The following LYN variants were observed in gnomAD, a reference collection of about 807,000 sequenced individuals.
LYN encodes tyrosine-protein kinase Lyn.
A neutral mutation model predicts 65.0 loss-of-function variants in LYN; 12 were observed. That is an observed-to-expected ratio of 0.18 (90% CI 0.12 to 0.30). The LOEUF (loss-of-function observed/expected upper bound fraction) is 0.30, where lower values mean the gene tolerates loss of function less well. Ranked by LOEUF, LYN falls within the 10% of genes least tolerant of loss-of-function variation. The pLI is 1.00. For synonymous variants in LYN, 222 were observed against 221.2 expected (o/e 1.00, Z -0.03); for missense variants, 380 against 623.2 (o/e 0.61, Z 4.16).
intron 1 of LYN, among the ~76,000 whole-genome samples, chr8:55,934,966 G>A (rs1386011193): frequency 6.6e-6 from 1 of 152,168 alleles, no homozygotes; most frequent in Non-Finnish European, 1.5e-5. Flanking sequence ...GTCACAGACA[G>A]GAGCTGACAC....
intron 10 of LYN, among the ~76,000 whole-genome samples, chr8:55,997,775 C>A (rs1227861341): frequency 1.3e-5 from 2 of 152,194 alleles, no homozygotes; most frequent in Non-Finnish European, 2.9e-5. Context: ...TGAAAAGATT[C>A]TTCACACATT....
At chr8:55,975,250 A>G (rs1021526789) in intron 10 of LYN, among the ~76,000 whole-genome samples, 5 of 152,192 alleles carry the variant, frequency 3.3e-5, no homozygotes, top group African/African-American at 1.2e-4. Flanking sequence ...GCTCTTTCTC[A>G]GAATTTGAGA....
chr8:55,925,535 T>A (rs1806083074), intron 1 of LYN, among the ~76,000 whole-genome samples: 1 of 152,230 alleles, frequency 6.6e-6, no homozygotes, highest in Admixed American at 6.5e-5. Flanking sequence ...AGCTCATGAA[T>A]ATGCCAGGCC....
intron 10 of LYN, among the ~76,000 whole-genome samples, chr8:55,992,014 A>T (rs901003884): frequency 6.6e-6 from 1 of 152,144 alleles, no homozygotes; most frequent in East Asian, 1.9e-4. Flanking sequence ...GGTAATAGGG[A>T]TGCTTTTTAT....
Position 55,941,926 on chromosome 8 carries a change from C to A in LYN, c.67C>A (p.Pro23Thr). 1.2e-6 allele frequency: 2 copies of A among 1,611,548 alleles called. No homozygotes were observed. Among genetic ancestry groups the A allele is most frequent in the Non-Finnish European group, 1.7e-6 (2 of 1,177,918 alleles). ...CGATGGAGTAGATTTGAAGACTCAA[C>A]CAGTACGTAATACTGAAAGAACTAT... Reference protein sequence around the residue: ...SDDGVDLKTQPVRNTERTIYV... With the variant: ...SDDGVDLKTQTVRNTERTIYV... Residue 23 changes from proline (P) to threonine (T), a missense_variant, in exon 2 of 13, where the codon CCA becomes ACA. Around this residue, in one of 2 missense-constraint regions of LYN, gnomAD observed 157 missense variants for 193.2 expected, o/e 0.81. Coordinates refer to ENST00000519728, the MANE Select transcript of LYN (RefSeq NM_002350.4).
chr8:56,002,662 G>C (rs1349693444), intron 12 of LYN, among the ~76,000 whole-genome samples: 2 of 148,148 alleles, frequency 1.3e-5, no homozygotes, highest in African/African-American at 2.6e-5. Context: ...AAAATAAAAA[G>C]AGAACCAGTA....
chr8:55,994,838 G>A (rs1004741616), intron 10 of LYN, among the ~76,000 whole-genome samples: 1 of 152,204 alleles, frequency 6.6e-6, no homozygotes, highest in African/African-American at 2.4e-5. Context: ...GACAGAGTCA[G>A]CTATGACCGC....
At chr8:55,993,306 C>T (rs1808297235) in intron 10 of LYN, among the ~76,000 whole-genome samples, 1 of 152,168 alleles carries the variant, frequency 6.6e-6, no homozygotes, top group African/African-American at 2.4e-5. Flanking sequence ...CTGGGGAGAG[C>T]TTGTGATTCC....
intron 10 of LYN, among the ~76,000 whole-genome samples, chr8:55,973,480 G>A (rs923402966): frequency 6.6e-6 from 1 of 152,196 alleles, no homozygotes; most frequent in Non-Finnish European, 1.5e-5. Flanking sequence ...TTTCAGAGCA[G>A]AGAGACTTTG....
At chr8:55,921,760 G>A (rs1014995126) in intron 1 of LYN, among the ~76,000 whole-genome samples, 1 of 152,144 alleles carries the variant, frequency 6.6e-6, no homozygotes, top group Non-Finnish European at 1.5e-5. Context: ...AATATTTCAG[G>A]TTTTGTCCTG....
intron 12 of LYN, 75 bp from the exon 13 acceptor site, chr8:56,009,833 C>A: frequency 8.5e-7 from 1 of 1,177,536 alleles, no homozygotes; most frequent in Non-Finnish European, 1.2e-6. Flanking sequence ...GCAAAAAGAC[C>A]ACTGCAGTGC....
intron 10 of LYN, among the ~76,000 whole-genome samples, chr8:55,992,517 C>T (rs1430938218): frequency 6.6e-6 from 1 of 152,224 alleles, no homozygotes; most frequent in East Asian, 1.9e-4. Context: ...TGCCTGGGCT[C>T]CTTATGCTGG....
intron 1 of LYN, among the ~76,000 whole-genome samples, chr8:55,917,975 A>G (rs1805826693): frequency 2.6e-5 from 4 of 152,196 alleles, no homozygotes; most frequent in Admixed American, 2.6e-4. Flanking sequence ...TTAAGCAGAA[A>G]TGGGGGATTT....
chr8:55,931,959 A>G (rs1245995009), intron 1 of LYN, among the ~76,000 whole-genome samples: 2 of 152,214 alleles, frequency 1.3e-5, no homozygotes, highest in African/African-American at 4.8e-5. Context: ...TTAAATTTAT[A>G]AGCCTCAAAA....
At chr8:55,960,528 A>G (rs1807242441) in intron 8 of LYN, among the ~76,000 whole-genome samples, 1 of 152,210 alleles carries the variant, frequency 6.6e-6, no homozygotes, top group Non-Finnish European at 1.5e-5. Context: ...TAGCAGAGGA[A>G]TATTGGGAAT....
chr8:55,959,202 A>G (rs1807206008), intron 8 of LYN, among the ~76,000 whole-genome samples: 1 of 152,184 alleles, frequency 6.6e-6, no homozygotes. Context: ...GTGAGATGGT[A>G]TCTTACTGTG....
intron 10 of LYN, among the ~76,000 whole-genome samples, chr8:55,982,410 G>A (rs1206096698): frequency 1.3e-5 from 2 of 151,988 alleles, no homozygotes; most frequent in African/African-American, 4.8e-5. Context: ...TTGGGTTTTT[G>A]GATTAGGTAT....
intron 7 of LYN, among the ~76,000 whole-genome samples, chr8:55,953,266 G>A (rs143568644): frequency 6.6e-6 from 1 of 152,196 alleles, no homozygotes; most frequent in Non-Finnish European, 1.5e-5. Flanking sequence ...CTGGCAGCCT[G>A]TGGTTGTCTG....
At chr8:55,977,376 G>A (rs1326195540) in intron 10 of LYN, among the ~76,000 whole-genome samples, 1 of 152,074 alleles carries the variant, frequency 6.6e-6, no homozygotes, top group Non-Finnish European at 1.5e-5. Context: ...AATCATTAGT[G>A]GATGCTTTTT....
Sources: gnomAD v4.1 joint callset for allele counts (sites outside exome capture counted in the v4.1 genomes callset) on GRCh38, gnomAD v4.1.1 for gene constraint, gnomAD v4.1.1 regional missense constraint, MANE v1.5 for transcripts, NCBI Gene and HGNC (gene_info 2026-07-23, HGNC 2026-07-21) for gene names.